STRN4: variants seen among roughly 807,000 people sequenced by gnomAD.
STRN4 encodes striatin-4.
In STRN4, 27 loss-of-function variants were observed where a neutral mutation model predicts 77.9. The ratio of observed to expected loss-of-function variants is 0.35; its 90% CI spans 0.26 to 0.48. The LOEUF is 0.48. STRN4 is among the 20% of genes least tolerant of loss of function. The pLI, the probability that STRN4 is intolerant of heterozygous loss-of-function variation, is 0.99. For synonymous variants in STRN4, 466 were observed against 443.1 expected (o/e 1.05, Z -0.65); for missense variants, 798 against 1,049.7 (o/e 0.76, Z 3.31).
chr19:46,746,012 A>G (rs2122461727), intron 1 of STRN4, 137 bp downstream of exon 1: 1 of 1,076,056 alleles, frequency 9.3e-7, no homozygotes, highest in East Asian at 4.0e-5. Flanking sequence ...GCCCTCCGGG[A>G]CCGTCGCGGT....
chr19:46,736,997 C>T (rs530088832), intron 3 of STRN4, 96 bp from the exon 4 acceptor site: 4 of 1,239,950 alleles, frequency 3.2e-6, no homozygotes, highest in Admixed American at 3.8e-5. Context: ...CCAAATCGGT[C>T]ACTGTCGCAG....
At chr19:46,720,847 G>A in intron 16 of STRN4, 76 bp from the exon 17 acceptor site, 1 of 1,447,662 alleles carries the variant, frequency 6.9e-7, no homozygotes, top group South Asian at 1.5e-5. Flanking sequence ...CCCTCACCTG[G>A]CCTTGTCCAA....
intron 6 of STRN4, 125 bp downstream of exon 6, chr19:46,730,607 C>T: frequency 1.4e-6 from 2 of 1,421,562 alleles, no homozygotes; most frequent in Non-Finnish European, 1.9e-6. Flanking sequence ...AGGCCAGGGC[C>T]TGTGTGTCTC....
intron 6 of STRN4, among the ~76,000 whole-genome samples, chr19:46,730,175 C>T (rs908636083): frequency 2.0e-5 from 3 of 152,224 alleles, no homozygotes; most frequent in African/African-American, 7.2e-5. Context: ...TTCCTCTAGG[C>T]CTCCTGCAGT....
intron 16 of STRN4, 182 bp downstream of exon 16, chr19:46,721,804 T>TGACCCAGAGGAGGGCCCCAGC: frequency 3.3e-6 from 2 of 604,154 alleles, no homozygotes; most frequent in Non-Finnish European, 5.9e-6. Flanking sequence ...GCAGCTCCAG[T>TGACCCAGAGGAGGGCCCCAGC]GACCCAGAGG....
At position 46,722,063 on chromosome 19, in the gene STRN4, A is replaced by G. The variant is rs2053989727; in HGVS notation, c.2015T>C (p.Val672Ala). The stretch of plus-strand genomic sequence containing the variant: ...GTCCAGGTGTGCAACCATGGAGTGC[A>G]CCGGCTTACCTGAGGCGAGAAGGGC... ...RFLDNRTGKPVHSMVAHLDAV... is the reference protein window; with the variant it reads ...RFLDNRTGKPAHSMVAHLDAV... The change falls in exon 16 of 18, where the codon GTG (valine) becomes GCG (alanine). Residue 672 changes from valine (V) to alanine (A), a missense_variant. By Grantham distance (64) the Val-to-Ala change is moderately conservative. This residue lies in a region of STRN4 where 287 missense variants were observed against 473.8 expected (regional missense o/e 0.61). Transcript: ENST00000263280. 1.9e-6 allele frequency: 3 copies of G among 1,612,988 alleles called. No homozygotes were observed. Among genetic ancestry groups the G allele is most frequent in the Non-Finnish European group, 2.5e-6 (3 of 1,180,016 alleles).
In STRN4 at chr19:46,733,099, G is replaced by A. The variant is rs776089227; in HGVS notation, c.677C>T (p.Pro226Leu). 7 of 1,613,546 alleles carry A rather than the reference G, an allele frequency of 4.3e-6. No homozygotes were observed. The South Asian group carries it at 7.7e-5, about 18-fold the overall frequency. ...SEGAPRAPPG[P>L]AGLSGGESLL... is the part of the protein sequence containing the mutation. ...CGACTCCCCACCACTGAGCCCTGCA[G>A]GGCCTGGTGGAGCCCTGGGGGCCCC... is the stretch of plus-strand genomic sequence containing the variant. Residue 226 changes from proline (P) to leucine (L), a missense_variant, in exon 5 of 18, where the codon CCT (proline) becomes CTT (leucine). Around this residue, in one of 2 missense-constraint regions of STRN4, gnomAD observed 511 missense variants for 575.9 expected, o/e 0.89. Transcript: ENST00000263280. This position sits in a 1 kb window ranked among gnomAD's most constrained non-coding sequence, Gnocchi z 4.3.
chr19:46,746,040 C>CT (rs2054589471), intron 1 of STRN4, 109 bp downstream of exon 1: 4 of 1,182,318 alleles, frequency 3.4e-6, no homozygotes, highest in Non-Finnish European at 4.3e-6. Flanking sequence ...CGCCCCCCCG[C>CT]CGGCCGTCCC....
chr19:46,720,306 G>A lies in STRN4; in HGVS notation c.*99C>T, dbSNP rs2053945792. On this transcript the variant is annotated 3_prime_UTR_variant, in exon 18 of 18. Coordinates refer to ENST00000263280, the MANE Select transcript of STRN4 (RefSeq NM_013403.3). ...CTCCATGGCAAACAGACAGAGGCCA[G>A]GCCTCTGCACCTCCAGCGAGGCTGG... The A allele has an allele frequency of 6.6e-6, 2 of 302,124 alleles. No individual in the cohort carries two copies. The highest frequency in any genetic ancestry group is 1.2e-5 in the Non-Finnish European group (2 of 163,928). 18.7% of individuals were successfully genotyped at this position (302,124 alleles called of 1,614,324 possible).
At chr19:46,726,483 CAAA>C (rs35238185) in intron 9 of STRN4, among the ~76,000 whole-genome samples, 40 of 134,244 alleles carry the variant, frequency 3.0e-4, no homozygotes, top group Admixed American at 3.7e-4. Context: ...CCTCAAGGAG[CAAA>C]AAAAAAAAAA....
intron 10 of STRN4, 24 bp downstream of exon 10, chr19:46,725,449 C>T (rs770403653): frequency 9.3e-6 from 15 of 1,613,748 alleles, no homozygotes; most frequent in Admixed American, 3.3e-5. Flanking sequence ...CCCCTGCCCC[C>T]GGCTCTGAGC....
Position 46,725,610 on chromosome 19 carries a change from G to A in STRN4, c.1287C>T (p.Asn429=), listed in dbSNP as rs756902052. The A allele has an allele frequency of 2.5e-6, 4 of 1,614,192 alleles. No individual in the cohort carries two copies. Among genetic ancestry groups the A allele is most frequent in the East Asian group, 4.5e-5 (2 of 44,890 alleles). Residue 429 remains asparagine (N), a synonymous_variant, in exon 10 of 18, where the codon AAC becomes AAT. Transcript: ENST00000263280. The stretch of plus-strand genomic sequence containing the variant: ...AGTGCGAGCGCAGGGTGAACTTGGG[G>A]TTCCACGTCTTCTTAAAAGCATCTT... The part of the protein sequence containing the change: ...DSKDAFKKTW[N]PKFTLRSHYD...
Position 46,727,539 on chromosome 19 carries a change from G to A in STRN4, c.1161C>T (p.Phe387=). 1 of 1,613,982 alleles carries A rather than the reference G, an allele frequency of 6.2e-7. No individual in the cohort carries two copies. The highest frequency in any genetic ancestry group is 8.5e-7 in the Non-Finnish European group (1 of 1,179,934). Residue 387 remains phenylalanine (F), a synonymous_variant, in exon 9 of 18, where the codon TTC becomes TTT. Transcript: ENST00000263280. ...CCCCGCCCCCGATAGTGTCCATGAT[G>A]AAGACGTCTGAGGAGAAGCCAAAGG... The part of the protein sequence containing the change: ...TPQPRPHEDV[F]IMDTIGGGEV...
intron 8 of STRN4, 104 bp from the exon 9 acceptor site, chr19:46,727,650 CAA>C: frequency 1.0e-6 from 1 of 975,382 alleles, no homozygotes; most frequent in Non-Finnish European, 1.6e-6. Flanking sequence ...AGATAAAGAG[CAA>C]GAGAGAGAGA....
rs752969695 is a variant in STRN4 at position 46,722,223 on chromosome 19, A to G, written c.2005+19T>C. On this transcript the variant is annotated intron_variant, in intron 15 of 17. Transcript: ENST00000263280. The stretch of plus-strand genomic sequence containing the variant: ...CTGGCCCTCCCCACCCACTACGAGC[A>G]CAAGGGGCTAGGCCTCACCTGTCCG... 1 of 1,613,224 alleles carries G rather than the reference A, an allele frequency of 6.2e-7. No individual in the cohort carries two copies. The highest frequency in any genetic ancestry group is 1.7e-5 in the Admixed American group (1 of 59,992).
chr19:46,721,782 G>A (rs1479607062), intron 16 of STRN4: 10 of 568,456 alleles, frequency 1.8e-5, no homozygotes, highest in African/African-American at 9.4e-5. Context: ...CTTAGAGGCC[G>A]AATGAGACGA....
At chr19:46,744,904 TGAC>T in intron 1 of STRN4, among the ~76,000 whole-genome samples, 1 of 152,160 alleles carries the variant, frequency 6.6e-6, no homozygotes, top group South Asian at 2.1e-4. Flanking sequence ...CCAATGGACC[TGAC>T]GCTCCACGAG....
Position 46,724,807 on chromosome 19 carries a change from C to T in STRN4, c.1594G>A (p.Asp532Asn), listed in dbSNP as rs1568390270. 1.9e-6 allele frequency: 3 copies of T among 1,613,918 alleles called. No homozygotes were observed. Among genetic ancestry groups the T allele is most frequent in the Non-Finnish European group, 2.5e-6 (3 of 1,180,008 alleles). Residue 532 changes from aspartate to asparagine, a missense_variant and splice_region_variant, in exon 12 of 18, where the codon GAC becomes AAC. By Grantham distance (23) the Asp-to-Asn change is conservative (BLOSUM62 1). Coordinates refer to ENST00000263280, the MANE Select transcript of STRN4 (RefSeq NM_013403.3). ...GGAAGGCGGGAGGCGTTGTCCTCAC[C>T]GTAGCCATCATAGGGATCCATGCTG... is the stretch of plus-strand genomic sequence containing the variant. ...DLSMDPYDGY[D>N]PSVLSHVLEG...
At chr19:46,734,222 C>T (rs948240092) in intron 4 of STRN4, among the ~76,000 whole-genome samples, 8 of 152,208 alleles carry the variant, frequency 5.3e-5, no homozygotes, top group Non-Finnish European at 8.8e-5. Context: ...ATCACCTCAC[C>T]GCATGCCAGT....
Sources: gnomAD v4.1 joint callset for allele counts (sites outside exome capture counted in the v4.1 genomes callset) on GRCh38, gnomAD v4.1.1 for gene constraint, gnomAD v4.1.1 regional missense constraint, Gnocchi (gnomAD v3.1) non-coding constraint, MANE v1.5 for transcripts, NCBI Gene and HGNC (gene_info 2026-07-23, HGNC 2026-07-21) for gene names.